The following TMEM209 variants were observed in gnomAD, a reference collection of about 807,000 sequenced individuals.
TMEM209 encodes testicular tissue protein Li 202.
TMEM209 carries 65 observed loss-of-function variants against 76.2 expected under a neutral mutation model. The observed-to-expected ratio is 0.85, with a 90% CI of 0.70 to 1.05. The LOEUF (loss-of-function observed/expected upper bound fraction) is 1.05. TMEM209 is among the 50% of genes least tolerant of loss of function. The pLI is 0.00. For synonymous variants in TMEM209, 239 were observed against 237.6 expected (o/e 1.01, Z -0.06); for missense variants, 623 against 685.5 (o/e 0.91, Z 1.02).
chr7:130,195,226 A>G (rs1167373027), intron 5 of TMEM209, among the ~76,000 whole-genome samples: 1 of 152,158 alleles, frequency 6.6e-6, no homozygotes, highest in Non-Finnish European at 1.5e-5. Flanking sequence ...ATTAGCATGT[A>G]GGGAGAAAAT....
In TMEM209 at chr7:130,202,031, G is replaced by A; in HGVS notation, c.392C>T (p.Ser131Phe). Reference sequence around the variant, plus strand: ...CACACTCTGACCCTGAATTGAAGGGGAAGGTGGAGCGGGAGGGATTTGGGT... The same window carrying A: ...CACACTCTGACCCTGAATTGAAGGGAAAGGTGGAGCGGGAGGGATTTGGGT... ...AATQIPPAPP[S>F]PSIQGQSVLS... The change falls in exon 5 of 15, where the codon TCC becomes TTC. Residue 131 changes from serine to phenylalanine, a missense_variant. By Grantham distance (155) the Ser-to-Phe change is radical. Transcript: ENST00000397622. The A allele has an allele frequency of 1.2e-6, 2 of 1,613,916 alleles. No individual in the cohort carries two copies. The highest frequency in any genetic ancestry group is 1.7e-6 in the Non-Finnish European group (2 of 1,179,882).
chr7:130,166,641 T>C (rs1796892368), intron 14 of TMEM209, 136 bp from the exon 15 acceptor site: 2 of 529,522 alleles, frequency 3.8e-6, no homozygotes, highest in South Asian at 3.7e-5. Flanking sequence ...ATGTTATACA[T>C]GGTTTATCAG....
At chr7:130,181,403 C>T (rs975293844) in intron 9 of TMEM209, among the ~76,000 whole-genome samples, 1 of 152,136 alleles carries the variant, frequency 6.6e-6, no homozygotes, top group Non-Finnish European at 1.5e-5. Context: ...GGTTGCATAA[C>T]CCAAGACTTT....
chr7:130,188,385 A>G (rs1316042211), intron 6 of TMEM209, among the ~76,000 whole-genome samples: 3 of 152,150 alleles, frequency 2.0e-5, no homozygotes, highest in Non-Finnish European at 4.4e-5. Context: ...TCACAAGGTC[A>G]GGAGATCGAG....
At chr7:130,175,928 T>C (rs1797221088) in intron 10 of TMEM209, among the ~76,000 whole-genome samples, 1 of 152,066 alleles carries the variant, frequency 6.6e-6, no homozygotes, top group African/African-American at 2.4e-5. Context: ...GGTATAATTG[T>C]ATTATGGTTA....
chr7:130,192,686 G>A lies in TMEM209; in HGVS notation c.711C>T (p.Thr237=), dbSNP rs759364050. 1.9e-6 allele frequency: 3 copies of A among 1,613,716 alleles called. No individual in the cohort carries two copies. The highest frequency in any genetic ancestry group is 2.5e-6 in the Non-Finnish European group (3 of 1,179,726). ...GAAAAGTATCCAAAGTTCGTAGGTC[G>A]GTCATGTAGTCTTCTTTGTCAGTAG... ...NSPTDKEDYM[T]DLRTLDTFLR... Residue 237 remains threonine, a synonymous_variant, in exon 6 of 15, where the codon ACC becomes ACT. Coordinates refer to ENST00000397622, the MANE Select transcript of TMEM209 (RefSeq NM_032842.4).
At chr7:130,188,140 A>T (rs1161356559) in intron 6 of TMEM209, among the ~76,000 whole-genome samples, 2 of 152,252 alleles carry the variant, frequency 1.3e-5, no homozygotes. Flanking sequence ...GGCTGAAATT[A>T]AAAAACTCAA....
intron 3 of TMEM209, among the ~76,000 whole-genome samples, chr7:130,203,582 A>T: frequency 6.6e-6 from 1 of 152,218 alleles, no homozygotes; most frequent in East Asian, 1.9e-4. Flanking sequence ...AATTACCTGA[A>T]GTGTTATTAA....
chr7:130,164,765 G>A lies in TMEM209; in HGVS notation c.*1686C>T, dbSNP rs779372589. ...GCTTTTAATGAAGTATATGCAACTA[G>A]TTTAACAGCATGACAATTGTTATTC... On this transcript the variant is annotated 3_prime_UTR_variant, in exon 15 of 15. Transcript: ENST00000397622. 13 of 152,110 alleles carry A rather than the reference G, an allele frequency of 8.5e-5. No individual in the cohort carries two copies. The highest frequency in any genetic ancestry group is 1.6e-4 in the Non-Finnish European group (11 of 67,982). The allele number at this position is 152,110 out of a possible 1,614,324, so 9.4% of individuals were successfully genotyped here.
chr7:130,172,998 C>CA (rs67876495), intron 13 of TMEM209, among the ~76,000 whole-genome samples: 37,749 of 86,634 alleles, frequency 0.44, 8,209 homozygotes, highest in South Asian at 0.46. Context: ...GACTCTATCT[C>CA]AAAAAAAAAA....
chr7:130,194,463 C>T (rs1357010819), intron 5 of TMEM209, among the ~76,000 whole-genome samples: 1 of 151,902 alleles, frequency 6.6e-6, no homozygotes, highest in Non-Finnish European at 1.5e-5. Flanking sequence ...ACAAGTAACA[C>T]ATGCATATTT....
intron 8 of TMEM209, among the ~76,000 whole-genome samples, chr7:130,183,128 A>G (rs1358882477): frequency 6.6e-6 from 1 of 152,234 alleles, no homozygotes; most frequent in Non-Finnish European, 1.5e-5. Flanking sequence ...CTAAGACTTC[A>G]TATTTTAAAC....
chr7:130,172,444 G>A (rs1584665893), intron 13 of TMEM209, among the ~76,000 whole-genome samples: 1 of 151,856 alleles, frequency 6.6e-6, no homozygotes, highest in Non-Finnish European at 1.5e-5. Context: ...CTGGGTTCAC[G>A]CCATTCTCCT....
intron 1 of TMEM209, chr7:130,205,165 C>A: frequency 6.8e-7 from 1 of 1,470,710 alleles, no homozygotes; most frequent in South Asian, 1.4e-5. Context: ...GCCCCCGCGT[C>A]CCAATTTCCC....
chr7:130,168,519 A>G (rs753256499), intron 14 of TMEM209, among the ~76,000 whole-genome samples: 39 of 152,206 alleles, frequency 2.6e-4, no homozygotes, highest in Non-Finnish European at 3.8e-4. Flanking sequence ...TCCATATTCC[A>G]TCTAATATAT....
At chr7:130,173,787 T>C in intron 12 of TMEM209, 38 bp downstream of exon 12, 2 of 1,607,074 alleles carry the variant, frequency 1.2e-6, no homozygotes, top group Middle Eastern at 3.3e-4. Context: ...ATATTTTGTG[T>C]GAAAATCTCA....
chr7:130,181,211 T>C (rs1449610934), intron 9 of TMEM209, among the ~76,000 whole-genome samples: 1 of 152,236 alleles, frequency 6.6e-6, no homozygotes, highest in East Asian at 1.9e-4. Flanking sequence ...AGTCACAAAG[T>C]CATGTTCATA....
chr7:130,202,805 G>A (rs1209452894), intron 3 of TMEM209, 142 bp from the exon 4 acceptor site: 9 of 1,032,354 alleles, frequency 8.7e-6, no homozygotes, highest in Non-Finnish European at 1.0e-5. Flanking sequence ...TATGTGTAGG[G>A]TGGCTGGGCA....
chr7:130,202,034 G>C lies in TMEM209; in HGVS notation c.389C>G (p.Pro130Arg), dbSNP rs373907724. 27 of 1,613,948 alleles carry C rather than the reference G, an allele frequency of 1.7e-5. No individual in the cohort carries two copies. In the African/African-American group the frequency reaches 2.0e-4, roughly 12 times the overall value. ...ACTCTGACCCTGAATTGAAGGGGAAGGTGGAGCGGGAGGGATTTGGGTTGC... is the reference window on the plus strand; with the variant it reads ...ACTCTGACCCTGAATTGAAGGGGAACGTGGAGCGGGAGGGATTTGGGTTGC... ...LAATQIPPAP[P>R]SPSIQGQSVL... The change falls in exon 5 of 15, where the codon CCT becomes CGT. Residue 130 changes from proline to arginine, a missense_variant. Transcript: ENST00000397622.
Sources: allele counts gnomAD v4.1 joint callset (sites outside exome capture counted in the v4.1 genomes callset), GRCh38; gene constraint gnomAD v4.1.1; transcripts MANE v1.5; gene names NCBI Gene and HGNC (gene_info 2026-07-23, HGNC 2026-07-21).